Variants in LHFPL4 observed in about 807,000 individuals in gnomAD.
LHFPL4 encodes the protein LHFPL tetraspan subfamily member 4 protein.
Under a neutral mutation model 20.0 loss-of-function variants are expected in LHFPL4, and 6 were observed. That is an observed-to-expected ratio of 0.30 (90% CI 0.16 to 0.59). The LOEUF is 0.59. LHFPL4 is among the 20% of genes least tolerant of loss of function. The pLI is 0.88. For synonymous variants in LHFPL4, 129 were observed against 143.8 expected, an observed-to-expected ratio of 0.90 and a Z score of 0.74; for missense variants, 215 against 331.2, an observed-to-expected ratio of 0.65 and a Z score of 2.72.
At chr3:9,538,163 C>T (rs2648407) in intron 2 of LHFPL4, among the ~76,000 whole-genome samples, 5,994 of 152,272 alleles carry the variant, frequency 0.039, 156 homozygotes, top group Non-Finnish European at 0.059. Flanking sequence ...TCCTTGGCAT[C>T]TCTCACCTGG....
At chr3:9,530,967 C>A (rs1035606417) in intron 2 of LHFPL4, among the ~76,000 whole-genome samples, 1 of 152,062 alleles carries the variant, frequency 6.6e-6, no homozygotes, top group South Asian at 2.1e-4. Flanking sequence ...ACTTAGAGGC[C>A]ATAACAGGGT....
intron 2 of LHFPL4, among the ~76,000 whole-genome samples, chr3:9,515,279 A>G (rs2046291857): frequency 6.6e-6 from 1 of 152,222 alleles, no homozygotes; most frequent in Non-Finnish European, 1.5e-5. Context: ...ATATGCTAAC[A>G]TGCCATCTGT....
rs561962305 is a variant in LHFPL4, at chr3:9,523,495, CAG to C, written c.407-17294_407-17293del. Among the ~76,000 whole-genome samples, 686 of 150,920 alleles carry C rather than the reference CAG, an allele frequency of 4.5e-3. 3 individuals are homozygous for C. Among genetic ancestry groups the C allele is most frequent in the African/African-American group, 0.016 (657 of 40,796 alleles). Reference sequence around the variant, plus strand: ...ATTTATTTATTTATTTATTTTGAGACAGAGTCTCACTCTGTCCGCCAGGCTGG... The same window carrying C: ...ATTTATTTATTTATTTATTTTGAGACAGTCTCACTCTGTCCGCCAGGCTGG... On this transcript the variant is annotated intron_variant, in intron 2 of 3. Coordinates refer to ENST00000287585, the MANE Select transcript of LHFPL4 (RefSeq NM_198560.3).
intron 2 of LHFPL4, among the ~76,000 whole-genome samples, chr3:9,551,714 T>C (rs534983871): frequency 6.6e-6 from 1 of 152,086 alleles, no homozygotes; most frequent in Non-Finnish European, 1.5e-5. Flanking sequence ...ATAAGCACAA[T>C]AGACAGCCTC....
chr3:9,548,005 C>CA (rs2046527607), intron 2 of LHFPL4, among the ~76,000 whole-genome samples: 1 of 152,056 alleles, frequency 6.6e-6, no homozygotes, highest in Non-Finnish European at 1.5e-5. Flanking sequence ...AGGGTTTCAC[C>CA]ATGTTGCCCA....
chr3:9,538,030 C>G (rs1211433106), intron 2 of LHFPL4, among the ~76,000 whole-genome samples: 1 of 152,176 alleles, frequency 6.6e-6, no homozygotes, highest in Non-Finnish European at 1.5e-5. Flanking sequence ...GAATGTCACT[C>G]CACAGACCCA....
At chr3:9,534,639 C>T (rs984856434) in intron 2 of LHFPL4, among the ~76,000 whole-genome samples, 1 of 152,026 alleles carries the variant, frequency 6.6e-6, no homozygotes, top group Non-Finnish European at 1.5e-5. Context: ...AATTTGAAGC[C>T]GGGTAAATAA....
chr3:9,518,682 TCA>T (rs78250974), intron 2 of LHFPL4, among the ~76,000 whole-genome samples: 46,699 of 151,748 alleles, frequency 0.31, 7,593 homozygotes, highest in Non-Finnish European at 0.36. Context: ...AAATTTGTGT[TCA>T]CAGAGTTGTT....
chr3:9,551,994 AG>A (rs1343931157), intron 2 of LHFPL4, among the ~76,000 whole-genome samples: 2 of 152,148 alleles, frequency 1.3e-5, no homozygotes, highest in Non-Finnish European at 2.9e-5. Flanking sequence ...AGAGACCCTT[AG>A]AGACACTAAC....
chr3:9,513,733 T>C (rs1386592549), intron 2 of LHFPL4, among the ~76,000 whole-genome samples: 2 of 152,220 alleles, frequency 1.3e-5, no homozygotes, highest in Admixed American at 6.5e-5. Flanking sequence ...TTTTGTATCA[T>C]GTGTATTTAT....
intron 3 of LHFPL4, among the ~76,000 whole-genome samples, chr3:9,502,567 G>A (rs1473345492): frequency 6.6e-6 from 1 of 152,044 alleles, no homozygotes; most frequent in Non-Finnish European, 1.5e-5. Flanking sequence ...GCCGGGCATG[G>A]TGGTGCATGC....
At position 9,531,063 on chromosome 3, in the gene LHFPL4, G is replaced by A. The variant is rs577572793; in HGVS notation, c.406+21211C>T. ...AGAGAGACAGGGGAACAGCCAGCAG[G>A]TGTAGCAATCAAAATACGCACATTT... On this transcript the variant is annotated intron_variant, in intron 2 of 3. Transcript: ENST00000287585. 2.0e-5 allele frequency among the ~76,000 whole-genome samples: 3 copies of A among 152,200 alleles called. No homozygotes were observed. The South Asian group carries it at 6.2e-4, about 32-fold the overall frequency.
intron 2 of LHFPL4, among the ~76,000 whole-genome samples, chr3:9,510,696 G>A (rs555250885): frequency 2.6e-5 from 4 of 152,234 alleles, no homozygotes; most frequent in African/African-American, 9.6e-5. Flanking sequence ...CCAGCACTCT[G>A]TGAGGCCAAG....
intron 3 of LHFPL4, among the ~76,000 whole-genome samples, chr3:9,503,731 A>G (rs139828152): frequency 1.5e-4 from 23 of 152,366 alleles, no homozygotes; most frequent in African/African-American, 5.5e-4. Flanking sequence ...CACTAATTAT[A>G]AAGCATACAA....
Position 9,552,730 on chromosome 3 carries a change from CCCGGGACGGAGCGCCG to C in LHFPL4, c.-67_-52del. On this transcript the variant is annotated 5_prime_UTR_variant, in exon 2 of 4. Coordinates refer to ENST00000287585, the MANE Select transcript of LHFPL4 (RefSeq NM_198560.3). The stretch of plus-strand genomic sequence containing the variant: ...GGCGGCGGCTGGCGGGGGCCGCCGG[CCCGGGACGGAGCGCCG>C]GGCTGCCGGGCGGGAGCTGGGGACG... The C allele has an allele frequency of 8.8e-7, 1 of 1,137,442 alleles. No homozygotes were observed. Among genetic ancestry groups the C allele is most frequent in the Non-Finnish European group, 1.1e-6 (1 of 914,426 alleles). 70.5% of individuals were successfully genotyped at this position (1,137,442 alleles called of 1,614,324 possible).
chr3:9,545,993 C>T (rs575665117), intron 2 of LHFPL4, among the ~76,000 whole-genome samples: 4 of 152,132 alleles, frequency 2.6e-5, no homozygotes, highest in East Asian at 3.9e-4. Flanking sequence ...GGTTGAGGTT[C>T]CTAGCCCAGA....
chr3:9,527,995 C>T (rs143056213), intron 2 of LHFPL4, among the ~76,000 whole-genome samples: 2 of 152,114 alleles, frequency 1.3e-5, no homozygotes, highest in East Asian at 1.9e-4. Context: ...TGTGCAATAG[C>T]ATATGTCTAA....
In LHFPL4 at chr3:9,506,301, G is replaced by A. The variant is rs188141208; in HGVS notation, c.407-98C>T. Reference sequence around the variant, plus strand: ...GCAGTCTGGGCCCCACCCTATTGAGGGCACATCAACCCAACCACGTGCTTG... The same window carrying A: ...GCAGTCTGGGCCCCACCCTATTGAGAGCACATCAACCCAACCACGTGCTTG... On this transcript the variant is annotated intron_variant, in intron 2 of 3. Coordinates refer to ENST00000287585, the MANE Select transcript of LHFPL4 (RefSeq NM_198560.3). The surrounding 1 kb of genome is among the most constrained non-coding windows in gnomAD (Gnocchi z 4.5). 189 of 957,786 alleles carry A rather than the reference G, an allele frequency of 2.0e-4. No homozygotes were observed. In the African/African-American group the frequency reaches 2.2e-3, roughly 11 times the overall value. 59.3% of individuals were successfully genotyped at this position (957,786 alleles called of 1,614,324 possible).
chr3:9,521,424 C>A, intron 2 of LHFPL4, among the ~76,000 whole-genome samples: 1 of 149,450 alleles, frequency 6.7e-6, no homozygotes, highest in East Asian at 2.0e-4. Context: ...TTTTATTAGA[C>A]GGAGTCTCAC....
Sources: allele counts gnomAD v4.1 joint callset (sites outside exome capture counted in the v4.1 genomes callset), GRCh38; gene constraint gnomAD v4.1.1; non-coding constraint Gnocchi (gnomAD v3.1); transcripts MANE v1.5; gene names NCBI Gene and HGNC (gene_info 2026-07-23, HGNC 2026-07-21).